Variants in AGBL1 observed in about 807,000 individuals in gnomAD.
AGBL1 encodes AGBL carboxypeptidase 1.
In AGBL1, 130 loss-of-function variants were observed where a neutral mutation model predicts 118.9. That is an observed-to-expected ratio of 1.09 (90% confidence interval 0.95 to 1.26). AGBL1 has a LOEUF of 1.26. AGBL1 is among the 50% of genes most tolerant of loss of function. AGBL1 has a pLI of 0.00. For missense variants in AGBL1, 1,584 were observed against 1,298.1 expected (o/e 1.22, Z -3.38); for synonymous variants, 555 against 478.9 (o/e 1.16, Z -2.08).
At chr15:86,429,113 C>G (rs1794901425) in intron 18 of AGBL1, among the ~76,000 whole-genome samples, 2 of 152,298 alleles carry the variant, frequency 1.3e-5, no homozygotes, top group South Asian at 4.1e-4. Flanking sequence ...CAAAGGGCAC[C>G]AATTCCTTGG....
At chr15:86,886,031 G>C (rs1279452645) in intron 22 of AGBL1, among the ~76,000 whole-genome samples, 1 of 152,144 alleles carries the variant, frequency 6.6e-6, no homozygotes, top group African/African-American at 2.4e-5. Context: ...TCTTTAAATA[G>C]CATTGCTGAT....
chr15:86,442,418 G>T (rs1424334518), intron 18 of AGBL1, among the ~76,000 whole-genome samples: 1 of 152,256 alleles, frequency 6.6e-6, no homozygotes. Context: ...TTCCTCATTT[G>T]TAAGTGAATA....
chr15:86,769,865 G>A (rs1409878766), intron 22 of AGBL1, among the ~76,000 whole-genome samples: 2 of 151,888 alleles, frequency 1.3e-5, no homozygotes, highest in Non-Finnish European at 1.5e-5. Context: ...GCAAATCTGG[G>A]GAGAGCTTCC....
intron 17 of AGBL1, among the ~76,000 whole-genome samples, chr15:86,350,686 A>G (rs16976200): frequency 0.021 from 3,171 of 152,276 alleles, 107 homozygotes; most frequent in African/African-American, 0.073. Context: ...CACTCTGTTG[A>G]GTTAGCTAGT....
At chr15:86,651,271 G>T (rs2085364368) in intron 21 of AGBL1, among the ~76,000 whole-genome samples, 1 of 152,100 alleles carries the variant, frequency 6.6e-6, no homozygotes, top group Non-Finnish European at 1.5e-5. Flanking sequence ...GTCACGTTTT[G>T]AGAAATTGCA....
intron 16 of AGBL1, among the ~76,000 whole-genome samples, chr15:86,290,228 A>G (rs559292569): frequency 1.3e-5 from 2 of 152,090 alleles, no homozygotes; most frequent in African/African-American, 4.8e-5. Flanking sequence ...CCATATTTTT[A>G]GATAGTCATT....
intron 18 of AGBL1, among the ~76,000 whole-genome samples, chr15:86,449,208 C>G (rs1292231359): frequency 6.6e-6 from 1 of 152,094 alleles, no homozygotes; most frequent in Non-Finnish European, 1.5e-5. Flanking sequence ...AAAACAACGG[C>G]CACAACAGTG....
chr15:86,231,515 G>T (rs1159745587), intron 6 of AGBL1, among the ~76,000 whole-genome samples: 2 of 152,232 alleles, frequency 1.3e-5, no homozygotes, highest in African/African-American at 4.8e-5. Context: ...GGGATGGACG[G>T]CTGTGATTGA....
intron 22 of AGBL1, among the ~76,000 whole-genome samples, chr15:86,803,186 A>C (rs1450488022): frequency 6.6e-6 from 1 of 152,062 alleles, no homozygotes; most frequent in Non-Finnish European, 1.5e-5. Flanking sequence ...TCTAATCCTC[A>C]TGTGTCAAGG....
chr15:86,657,436 A>G (rs888858296), intron 21 of AGBL1, among the ~76,000 whole-genome samples: 1 of 152,182 alleles, frequency 6.6e-6, no homozygotes, highest in African/African-American at 2.4e-5. Flanking sequence ...TCAGGGCAGA[A>G]CCACTGTGTG....
chr15:87,007,641 AAG>A (rs2081518464), intron 24 of AGBL1, among the ~76,000 whole-genome samples: 2 of 152,200 alleles, frequency 1.3e-5, no homozygotes, highest in African/African-American at 4.8e-5. Flanking sequence ...ATAAAGGATA[AAG>A]GAATTAAGAA....
intron 21 of AGBL1, among the ~76,000 whole-genome samples, chr15:86,633,893 T>C (rs1278303693): frequency 1.7e-4 from 8 of 47,180 alleles, no homozygotes; most frequent in African/African-American, 3.8e-4. Flanking sequence ...TATATATATA[T>C]AATGTATATA....
intron 18 of AGBL1, among the ~76,000 whole-genome samples, chr15:86,503,719 T>C (rs1274754467): frequency 6.6e-6 from 1 of 151,458 alleles, no homozygotes; most frequent in Non-Finnish European, 1.5e-5. Flanking sequence ...TTGTTTAATT[T>C]CCATGTGCTT....
intron 6 of AGBL1, among the ~76,000 whole-genome samples, chr15:86,226,478 C>G (rs921172847): frequency 5.9e-5 from 9 of 152,156 alleles, no homozygotes; most frequent in Non-Finnish European, 1.3e-4. Context: ...GGCTTACTTT[C>G]TACATACACA....
intron 24 of AGBL1, among the ~76,000 whole-genome samples, chr15:87,004,548 T>C (rs764662008): frequency 6.6e-6 from 1 of 152,200 alleles, no homozygotes; most frequent in Non-Finnish European, 1.5e-5. Flanking sequence ...TTGGTAGATC[T>C]TCCTCCATCC....
At chr15:86,836,967 A>G (rs947626826) in intron 22 of AGBL1, among the ~76,000 whole-genome samples, 4 of 152,044 alleles carry the variant, frequency 2.6e-5, no homozygotes, top group Non-Finnish European at 4.4e-5. Context: ...TCCTCATACT[A>G]CATATAATCT....
At chr15:86,199,175 T>C (rs190049156) in intron 5 of AGBL1, among the ~76,000 whole-genome samples, 2 of 152,332 alleles carry the variant, frequency 1.3e-5, no homozygotes, top group Non-Finnish European at 2.9e-5. Flanking sequence ...TTTAACAAAA[T>C]ACATAGCCCT....
At chr15:87,010,124 C>T (rs1210456025) in intron 24 of AGBL1, among the ~76,000 whole-genome samples, 1 of 152,012 alleles carries the variant, frequency 6.6e-6, no homozygotes, top group East Asian at 1.9e-4. Flanking sequence ...GTCTCACCAC[C>T]CAAATCTCAT....
At chr15:86,146,669 G>C (rs994447520) in intron 3 of AGBL1, among the ~76,000 whole-genome samples, 1 of 152,192 alleles carries the variant, frequency 6.6e-6, no homozygotes, top group African/African-American at 2.4e-5. Context: ...CTATTGTAGT[G>C]ATTACATCAC....
Sources: allele counts gnomAD v4.1 joint callset (sites outside exome capture counted in the v4.1 genomes callset), GRCh38; gene constraint gnomAD v4.1.1; transcripts MANE v1.5; gene names NCBI Gene and HGNC (gene_info 2026-07-23, HGNC 2026-07-21).